ADAMTSL1: variants seen among roughly 807,000 people sequenced by gnomAD.
ADAMTSL1 encodes ADAMTS-like protein 1.
In ADAMTSL1, 126 loss-of-function variants were observed where a neutral mutation model predicts 201.8. The observed-to-expected ratio is 0.62, with a 90% confidence interval of 0.54 to 0.72. The LOEUF (loss-of-function observed/expected upper bound fraction) is 0.72, where lower values mean the gene tolerates loss of function less well. ADAMTSL1 is among the 30% of genes least tolerant of loss of function. ADAMTSL1 has a pLI of 0.00. For missense variants in ADAMTSL1, 2,679 were observed against 2,277.8 expected (o/e 1.18, Z -3.59); for synonymous variants, 1,121 against 903.4 (o/e 1.24, Z -4.32).
chr9:18,727,408 C>T (rs910756925), intron 15 of ADAMTSL1, among the ~76,000 whole-genome samples: 2 of 152,360 alleles, frequency 1.3e-5, no homozygotes, highest in South Asian at 4.1e-4. Flanking sequence ...CATATCCAGG[C>T]GCCTTTGAAG....
At chr9:18,397,829 T>C (rs1015041510) in intron 2 of ADAMTSL1, among the ~76,000 whole-genome samples, 2 of 152,208 alleles carry the variant, frequency 1.3e-5, no homozygotes, top group Non-Finnish European at 2.9e-5. Flanking sequence ...TACCTCATTG[T>C]CCTACTCCAA....
At chr9:18,606,796 C>T (rs572759713) in intron 4 of ADAMTSL1, among the ~76,000 whole-genome samples, 20 of 152,186 alleles carry the variant, frequency 1.3e-4, no homozygotes, top group Admixed American at 9.8e-4. Flanking sequence ...TGCCTCTTCT[C>T]GGCCTCAAGT....
chr9:18,360,750 A>C (rs1375655870), intron 2 of ADAMTSL1: 5 of 152,170 alleles, frequency 3.3e-5, no homozygotes, highest in African/African-American at 1.2e-4. Context: ...AACATCTAAC[A>C]TGAAAAATCA....
At chr9:18,077,291 G>A (rs570992495) in intron 1 of ADAMTSL1, among the ~76,000 whole-genome samples, 1 of 152,276 alleles carries the variant, frequency 6.6e-6, no homozygotes, top group South Asian at 2.1e-4. Flanking sequence ...TTTAACGTTG[G>A]AGGAAAGAGA....
intron 2 of ADAMTSL1, among the ~76,000 whole-genome samples, chr9:18,525,019 C>G (rs1428815524): frequency 1.3e-5 from 2 of 152,178 alleles, no homozygotes; most frequent in South Asian, 2.1e-4. Context: ...AGGAATGGTA[C>G]CAGCTCCTCC....
chr9:17,995,204 G>A (rs1476133214), intron 1 of ADAMTSL1, among the ~76,000 whole-genome samples: 1 of 152,080 alleles, frequency 6.6e-6, no homozygotes, highest in Non-Finnish European at 1.5e-5. Flanking sequence ...GGACCAGATT[G>A]TTATGGATCC....
intron 23 of ADAMTSL1, among the ~76,000 whole-genome samples, chr9:18,872,030 A>G (rs1194756738): frequency 6.6e-6 from 1 of 152,176 alleles, no homozygotes; most frequent in African/African-American, 2.4e-5. Context: ...CCAAGTCAGT[A>G]GTTTTTACTC....
At chr9:17,932,268 C>A (rs1826827661) in intron 1 of ADAMTSL1, among the ~76,000 whole-genome samples, 1 of 152,154 alleles carries the variant, frequency 6.6e-6, no homozygotes, top group Non-Finnish European at 1.5e-5. Flanking sequence ...TCTGTTGAGA[C>A]CTGGGTTGGC....
At chr9:17,984,922 G>A (rs1818861113) in intron 1 of ADAMTSL1, among the ~76,000 whole-genome samples, 1 of 152,072 alleles carries the variant, frequency 6.6e-6, no homozygotes, top group South Asian at 2.1e-4. Flanking sequence ...CAAAATCAAT[G>A]TTTTTTGCTT....
intron 23 of ADAMTSL1, among the ~76,000 whole-genome samples, chr9:18,835,669 A>G (rs1165251446): frequency 6.6e-6 from 1 of 151,984 alleles, no homozygotes; most frequent in Non-Finnish European, 1.5e-5. Context: ...TTCCTCTCTC[A>G]TTAGTAGTCC....
intron 2 of ADAMTSL1, among the ~76,000 whole-genome samples, chr9:18,412,777 A>G (rs886096668): frequency 1.3e-5 from 2 of 152,198 alleles, no homozygotes. Flanking sequence ...ATTCATGTTT[A>G]AAAGCCTCTG....
At position 18,776,769 on chromosome 9, in the gene ADAMTSL1, C is replaced by T. The variant is rs969563678; in HGVS notation, c.2552-12C>T. The T allele has an allele frequency of 1.3e-6, 2 of 1,537,176 alleles. No homozygotes were observed. Among genetic ancestry groups the T allele is most frequent in the East Asian group, 2.4e-5 (1 of 40,882 alleles). On this transcript the variant is annotated splice_polypyrimidine_tract_variant and intron_variant, in intron 18 of 28. Transcript: ENST00000380548. ...CTCTTTCTCTGTCCCTTCGGGTTCGCTCTCCTTCCAGGGCCCGGGCGGCCA... is the reference window on the plus strand; with the variant it reads ...CTCTTTCTCTGTCCCTTCGGGTTCGTTCTCCTTCCAGGGCCCGGGCGGCCA...
At chr9:18,236,634 C>G (rs1249448108) in intron 2 of ADAMTSL1, among the ~76,000 whole-genome samples, 2 of 152,108 alleles carry the variant, frequency 1.3e-5, no homozygotes, top group Non-Finnish European at 2.9e-5. Context: ...AAGAGATAAG[C>G]TGCAAGGCTA....
intron 1 of ADAMTSL1, among the ~76,000 whole-genome samples, chr9:18,092,860 T>A (rs1824088164): frequency 6.6e-6 from 1 of 152,226 alleles, no homozygotes; most frequent in Non-Finnish European, 1.5e-5. Context: ...TTTCATGACC[T>A]GTTGACATAT....
At chr9:17,986,640 A>G (rs73643485) in intron 1 of ADAMTSL1, among the ~76,000 whole-genome samples, 3,742 of 152,174 alleles carry the variant, frequency 0.025, 142 homozygotes, top group African/African-American at 0.086. Flanking sequence ...AAATTATGCT[A>G]TATGTCCTTA....
At chr9:18,860,110 C>A (rs1391172875) in intron 23 of ADAMTSL1, among the ~76,000 whole-genome samples, 1 of 152,118 alleles carries the variant, frequency 6.6e-6, no homozygotes, top group African/African-American at 2.4e-5. Flanking sequence ...TTTTTGTGAG[C>A]TTTTAGTCTA....
At chr9:18,627,127 G>A (rs1056212846) in intron 5 of ADAMTSL1, among the ~76,000 whole-genome samples, 8 of 151,904 alleles carry the variant, frequency 5.3e-5, no homozygotes, top group African/African-American at 1.7e-4. Flanking sequence ...GATTACAGGT[G>A]CACACCATCA....
intron 2 of ADAMTSL1, among the ~76,000 whole-genome samples, chr9:18,249,219 A>C (rs552236920): frequency 9.5e-4 from 145 of 152,304 alleles, no homozygotes; most frequent in African/African-American, 3.2e-3. Flanking sequence ...GAAATGATGG[A>C]GTATAGGTAG....
At chr9:18,444,674 T>G (rs1563964970) in intron 2 of ADAMTSL1, among the ~76,000 whole-genome samples, 1 of 152,066 alleles carries the variant, frequency 6.6e-6, no homozygotes, top group African/African-American at 2.4e-5. Flanking sequence ...CCTTAAACAA[T>G]TGGTAAAGGG....
Sources: gnomAD v4.1 joint callset for allele counts (sites outside exome capture counted in the v4.1 genomes callset) on GRCh38, gnomAD v4.1.1 for gene constraint, MANE v1.5 for transcripts, NCBI Gene and HGNC (gene_info 2026-07-23, HGNC 2026-07-21) for gene names.